Variants in PRICKLE2 observed in about 807,000 individuals in gnomAD.
The protein encoded by PRICKLE2 is prickle-like protein 2.
PRICKLE2 carries 21 observed loss-of-function variants against 81.4 expected under a neutral mutation model. The ratio of observed to expected loss-of-function variants is 0.26; its 90% CI spans 0.18 to 0.37. The LOEUF (loss-of-function observed/expected upper bound fraction) is 0.37. Among genes scored for constraint, PRICKLE2 ranks in the 10% least tolerant of loss-of-function variants. PRICKLE2 has a pLI of 1.00. For synonymous variants in PRICKLE2, 456 were observed against 421.5 expected (o/e 1.08, Z -1.00); for missense variants, 940 against 1,109.0 (o/e 0.85, Z 2.16).
chr3:64,215,404 A>G (rs9869053), intron 1 of PRICKLE2, among the ~76,000 whole-genome samples: 222 of 152,248 alleles, frequency 1.5e-3, no homozygotes, highest in African/African-American at 5.2e-3. Context: ...TTTCCTTAAC[A>G]TCAGACGCCA....
chr3:64,222,459 C>A (rs896006326), intron 1 of PRICKLE2, among the ~76,000 whole-genome samples: 6 of 152,088 alleles, frequency 3.9e-5, no homozygotes, highest in African/African-American at 1.4e-4. Flanking sequence ...AAAGAAAGAT[C>A]TTGGGAGGAA....
chr3:64,157,420 G>A, intron 4 of PRICKLE2, 55 bp from the exon 5 acceptor site: 2 of 1,544,908 alleles, frequency 1.3e-6, no homozygotes, highest in Non-Finnish European at 1.8e-6. Flanking sequence ...TCCCAGTGCT[G>A]TGCATAAATG....
intron 2 of PRICKLE2, among the ~76,000 whole-genome samples, chr3:64,180,167 G>C (rs1308606827): frequency 6.6e-6 from 1 of 152,198 alleles, no homozygotes; most frequent in Non-Finnish European, 1.5e-5. Context: ...AACTAACTCA[G>C]GCTTGGTGAA....
intron 2 of PRICKLE2, among the ~76,000 whole-genome samples, chr3:64,266,873 G>A (rs2079717760): frequency 6.6e-6 from 1 of 151,810 alleles, no homozygotes; most frequent in South Asian, 2.1e-4. Context: ...GGCGGAAATG[G>A]AATTTGGCAA....
intron 7 of PRICKLE2, among the ~76,000 whole-genome samples, chr3:64,138,288 A>C (rs978425174): frequency 5.9e-5 from 9 of 152,216 alleles, no homozygotes; most frequent in African/African-American, 2.2e-4. Context: ...GACATGACTC[A>C]GGTCTGACAT....
Position 64,116,431 on chromosome 3 carries a change from A to T in PRICKLE2, c.1661-16506T>A, listed in dbSNP as rs967629628. On this transcript the variant is annotated intron_variant, in intron 7 of 7. Transcript: ENST00000638394. ...AGGAGCTGGTTTTCTTGAAAAAAAT[A>T]ATAAAATAGATAGACCACTAGCTAG... is the stretch of plus-strand genomic sequence containing the variant. 2.6e-5 allele frequency among the ~76,000 whole-genome samples: 4 copies of T among 152,156 alleles called. No individual in the cohort carries two copies. The East Asian group carries it at 7.7e-4, about 29-fold the overall frequency.
intron 2 of PRICKLE2, among the ~76,000 whole-genome samples, chr3:64,252,503 C>A (rs897041319): frequency 6.6e-6 from 1 of 152,172 alleles, no homozygotes. Context: ...ATCCCAACAT[C>A]GATTCTTTAC....
chr3:64,215,096 T>G (rs2078851620), intron 1 of PRICKLE2, among the ~76,000 whole-genome samples: 1 of 152,148 alleles, frequency 6.6e-6, no homozygotes, highest in Non-Finnish European at 1.5e-5. Context: ...TCAGCTCTCC[T>G]GCTTAAAATG....
Position 64,092,268 on chromosome 3 carries a change from G to A in PRICKLE2, c.*6783C>T, listed in dbSNP as rs528536234. The A allele has an allele frequency of 4.6e-5, 7 of 152,316 alleles. No individual in the cohort carries two copies. The South Asian group carries it at 1.4e-3, about 32-fold the overall frequency. 9.4% of individuals were successfully genotyped at this position (152,316 alleles called of 1,614,324 possible). On this transcript the variant is annotated 3_prime_UTR_variant, in exon 8 of 8. Transcript: ENST00000638394. Reference sequence around the variant, plus strand: ...TTCCAGTTCAAGTTTTTATTCAAAAGCTCTTAGAATGTCTTACAATGAAAC... The same window carrying A: ...TTCCAGTTCAAGTTTTTATTCAAAAACTCTTAGAATGTCTTACAATGAAAC...
intron 7 of PRICKLE2, among the ~76,000 whole-genome samples, chr3:64,132,094 CTT>C (rs2077205651): frequency 6.6e-6 from 1 of 152,230 alleles, no homozygotes; most frequent in Non-Finnish European, 1.5e-5. Context: ...CAATTCTTTC[CTT>C]TGCAAGGCCA....
At chr3:64,191,930 C>A (rs1332850957) in intron 2 of PRICKLE2, among the ~76,000 whole-genome samples, 1 of 152,146 alleles carries the variant, frequency 6.6e-6, no homozygotes, top group Non-Finnish European at 1.5e-5. Flanking sequence ...ACCCACTGCT[C>A]CTCCCACCCT....
At chr3:64,217,123 C>T (rs1472918050) in intron 1 of PRICKLE2, among the ~76,000 whole-genome samples, 1 of 152,074 alleles carries the variant, frequency 6.6e-6, no homozygotes, top group Non-Finnish European at 1.5e-5. Context: ...GGCTGGACTG[C>T]CAGGAGGATG....
intron 2 of PRICKLE2, among the ~76,000 whole-genome samples, chr3:64,240,872 C>A (rs1044699985): frequency 6.6e-6 from 1 of 152,132 alleles, no homozygotes; most frequent in African/African-American, 2.4e-5. Context: ...TAATCCCCAA[C>A]AACTTCTTTT....
Position 64,159,940 on chromosome 3 carries a change from C to A in PRICKLE2, c.396G>T (p.Gln132His), listed in dbSNP as rs1446878933. Residue 132 changes from glutamine (Q) to histidine (H), a missense_variant and splice_region_variant, in exon 4 of 8, where the codon CAG becomes CAT. Gln to His is a conservative substitution (Grantham distance 24). Transcript: ENST00000638394. ...TTCACTCCCCTGAATCCATGCTTAC[C>A]TGTTCACAAATAGCTCCTGTCATGG... is the stretch of plus-strand genomic sequence containing the variant. ...PVTMTGAICE[Q>H]CGGQINGGDI... The A allele has an allele frequency of 2.5e-6, 4 of 1,614,024 alleles. No homozygotes were observed. The highest frequency in any genetic ancestry group is 3.4e-6 in the Non-Finnish European group (4 of 1,180,036).
At chr3:64,204,636 A>G (rs185445676) in intron 1 of PRICKLE2, among the ~76,000 whole-genome samples, 1 of 149,532 alleles carries the variant, frequency 6.7e-6, no homozygotes, top group Non-Finnish European at 1.5e-5. Context: ...GAAGAAAAGG[A>G]AAAAAAAAAC....
intron 7 of PRICKLE2, among the ~76,000 whole-genome samples, chr3:64,126,043 T>C (rs696009): frequency 0.57 from 86,219 of 151,870 alleles, 24,586 homozygotes; most frequent in Middle Eastern, 0.66. Context: ...AGAGTAATCG[T>C]GGACAATTTT....
intron 2 of PRICKLE2, among the ~76,000 whole-genome samples, chr3:64,233,071 A>G (rs2079129184): frequency 6.6e-6 from 1 of 152,214 alleles, no homozygotes; most frequent in South Asian, 2.1e-4. Flanking sequence ...TGCAAAGCCT[A>G]ATACATTTAC....
chr3:64,167,128 T>C (rs556248835), intron 2 of PRICKLE2, among the ~76,000 whole-genome samples: 133 of 152,292 alleles, frequency 8.7e-4, no homozygotes, highest in African/African-American at 3.1e-3. Flanking sequence ...AAAATTAAAT[T>C]TGGCACAATC....
rs768449579 is a variant in PRICKLE2, at chr3:64,162,997, G to A, written c.258+19C>T. 1.0e-5 allele frequency: 15 copies of A among 1,488,562 alleles called. No individual in the cohort carries two copies. The highest frequency in any genetic ancestry group is 1.3e-5 in the Non-Finnish European group (14 of 1,065,462). 92.2% of individuals were successfully genotyped at this position (1,488,562 alleles called of 1,614,324 possible). A position where few individuals can be genotyped will look rare whatever the true frequency, so the allele number is the denominator to read the frequency against. On this transcript the variant is annotated intron_variant, in intron 3 of 7. Coordinates refer to ENST00000638394, the MANE Select transcript of PRICKLE2 (RefSeq NM_198859.4). ...AAGGCACTAAGAAAATTCTGCATAA[G>A]CCCCCTCTAGCCCCTTACCTCATTG... is the stretch of plus-strand genomic sequence containing the variant.
Sources: allele counts gnomAD v4.1 joint callset (sites outside exome capture counted in the v4.1 genomes callset), GRCh38; gene constraint gnomAD v4.1.1; transcripts MANE v1.5; gene names NCBI Gene and HGNC (gene_info 2026-07-23, HGNC 2026-07-21).